MC4R: variants seen among roughly 807,000 people sequenced by gnomAD.
MC4R encodes melanocortin receptor 4.
Under a neutral mutation model 16.1 loss-of-function variants are expected in MC4R, and 15 were observed. The ratio of observed to expected loss-of-function variants is 0.93; its 90% CI spans 0.62 to 1.44. MC4R has a LOEUF of 1.44. Among genes scored for constraint, MC4R ranks in the 40% most tolerant of loss-of-function variants. The pLI is 0.00. For missense variants in MC4R, 416 were observed against 411.4 expected (o/e 1.01, Z -0.10); for synonymous variants, 162 against 151.7 (o/e 1.07, Z -0.50).
chr18:60,371,637 C>A lies in MC4R; in HGVS notation c.713G>T (p.Gly238Val), dbSNP rs751428978. ...GGTAATCGCTCCCTTCATATTGGCACCTTGGCGGATGGCACCAGTGCCGGG... is the reference window on the plus strand; with the variant it reads ...GGTAATCGCTCCCTTCATATTGGCAACTTGGCGGATGGCACCAGTGCCGGG... ...VLPGTGAIRQGANMKGAITLT... is the reference protein window; with the variant it reads ...VLPGTGAIRQVANMKGAITLT... Residue 238 changes from glycine to valine, a missense_variant, in exon 1 of 1, where the codon GGT becomes GTT. Gly to Val is a moderately radical substitution (Grantham distance 109). Coordinates refer to ENST00000299766, the MANE Select transcript of MC4R (RefSeq NM_005912.3). The A allele has an allele frequency of 6.2e-7, 1 of 1,614,154 alleles. No homozygotes were observed. Among genetic ancestry groups the A allele is most frequent in the African/African-American group, 1.3e-5 (1 of 75,032 alleles).
In MC4R at chr18:60,372,112, A is replaced by T. The variant is rs771382165; in HGVS notation, c.238T>A (p.Tyr80Asn). The T allele has an allele frequency of 6.2e-7, 1 of 1,614,272 alleles. No homozygotes were observed. Among genetic ancestry groups the T allele is most frequent in the Admixed American group, 1.7e-5 (1 of 60,032 alleles). ...AKNKNLHSPM[Y>N]FFICSLAVAD... ...ACAGCCAAGCTGCAGATGAAAAAGT[A>T]CATGGGTGAATGCAGATTCTTGTTC... The change falls in exon 1 of 1, where the codon TAC becomes AAC. Residue 80 changes from tyrosine (Y) to asparagine (N), a missense_variant. Physicochemically the swap from Tyr to Asn is moderately radical, Grantham distance 143 (BLOSUM62 -2). Coordinates refer to ENST00000299766, the MANE Select transcript of MC4R (RefSeq NM_005912.3).
Position 60,371,974 on chromosome 18 carries a change from C to A in MC4R, c.376G>T (p.Asp126Tyr), listed in dbSNP as rs768806551. ...AGCAAGGAGCTACAGATCACCGAGT[C>A]AATGACATTATCAATATTCACTGTG... ...SFTVNIDNVI[D>Y]SVICSSLLAS... The change falls in exon 1 of 1, where the codon GAC (aspartate) becomes TAC (tyrosine). Residue 126 changes from aspartate (D) to tyrosine (Y), a missense_variant. Asp to Tyr is a radical substitution (Grantham distance 160, BLOSUM62 -3). Transcript: ENST00000299766. 1 of 1,614,110 alleles carries A rather than the reference C, an allele frequency of 6.2e-7. No homozygotes were observed. The highest frequency in any genetic ancestry group is 1.7e-5 in the Admixed American group (1 of 60,020).
Position 60,371,281 on chromosome 18 carries a change from C to G in MC4R, c.*70G>C. On this transcript the variant is annotated 3_prime_UTR_variant, in exon 1 of 1. Transcript: ENST00000299766. ...GGAAGAGAAAGCTGTTGCAGAAGTACAATATTCAGGTAGGGTAAGAGTGAA... is the reference window on the plus strand; with the variant it reads ...GGAAGAGAAAGCTGTTGCAGAAGTAGAATATTCAGGTAGGGTAAGAGTGAA... 6.8e-7 allele frequency: 1 copy of G among 1,474,766 alleles called. No individual in the cohort carries two copies. Among genetic ancestry groups the G allele is most frequent in the African/African-American group, 1.4e-5 (1 of 72,206 alleles). 91.4% of individuals were successfully genotyped at this position (1,474,766 alleles called of 1,614,324 possible). A position where few individuals can be genotyped will look rare whatever the true frequency, so the allele number is the denominator to read the frequency against.
rs1420993856 is a variant in MC4R at position 60,372,096 on chromosome 18, C to A, written c.254G>T (p.Ser85Ile). ...CACCAGCATATCAGCCACAGCCAAGCTGCAGATGAAAAAGTACATGGGTGA... is the reference window on the plus strand; with the variant it reads ...CACCAGCATATCAGCCACAGCCAAGATGCAGATGAAAAAGTACATGGGTGA... ...LHSPMYFFIC[S>I]LAVADMLVSV... The change falls in exon 1 of 1, where the codon AGC (serine) becomes ATC (isoleucine). Residue 85 changes from serine (S) to isoleucine (I), a missense_variant. Transcript: ENST00000299766. 6.2e-7 allele frequency: 1 copy of A among 1,614,086 alleles called. No homozygotes were observed. The highest frequency in any genetic ancestry group is 1.3e-5 in the African/African-American group (1 of 74,930).
In MC4R at chr18:60,371,909, C is replaced by T. The variant is rs754227294; in HGVS notation, c.441G>A (p.Arg147=). Residue 147 remains arginine, a synonymous_variant, in exon 1 of 1, where the codon AGG becomes AGA. Transcript: ENST00000299766. ...ICSLLSIAVD[R]YFTIFYALQY... ...GGAGAGCATAGAAGATAGTAAAGTACCTGTCCACTGCAATTGAAAGCAGGC... is the reference window on the plus strand; with the variant it reads ...GGAGAGCATAGAAGATAGTAAAGTATCTGTCCACTGCAATTGAAAGCAGGC... 1 of 1,614,116 alleles carries T rather than the reference C, an allele frequency of 6.2e-7. No homozygotes were observed. The highest frequency in any genetic ancestry group is 2.2e-5 in the East Asian group (1 of 44,868).
rs753839981 is a variant in MC4R at position 60,371,396 on chromosome 18, A to G, written c.954T>C (p.Cys318=). 5 of 1,614,226 alleles carry G rather than the reference A, an allele frequency of 3.1e-6. No homozygotes were observed. In the South Asian group the frequency reaches 5.5e-5, roughly 18 times the overall value. ...ELRKTFKEII[C]CYPLGGLCDL... Reference sequence around the variant, plus strand: ...CACAAAGGCCTCCCAGGGGATAGCAACAGATGATCTCTTTGAAGGTTTTCC... The same window carrying G: ...CACAAAGGCCTCCCAGGGGATAGCAGCAGATGATCTCTTTGAAGGTTTTCC... The change falls in exon 1 of 1, where the codon TGT becomes TGC. Residue 318 remains cysteine (C), a synonymous_variant. Transcript: ENST00000299766.
In MC4R at chr18:60,371,369, G is replaced by C; in HGVS notation, c.981C>G (p.Asp327Glu). 1 of 1,614,174 alleles carries C rather than the reference G, an allele frequency of 6.2e-7. No individual in the cohort carries two copies. Among genetic ancestry groups the C allele is most frequent in the Non-Finnish European group, 8.5e-7 (1 of 1,180,018 alleles). Residue 327 changes from aspartate (D) to glutamate (E), a missense_variant, in exon 1 of 1, where the codon GAC becomes GAG. Coordinates refer to ENST00000299766, the MANE Select transcript of MC4R (RefSeq NM_005912.3). ...TCCCCATTTAATATCTGCTAGACAA[G>C]TCACAAAGGCCTCCCAGGGGATAGC... ...ICCYPLGGLC[D>E]LSSRY is the part of the protein sequence containing the mutation.
rs765147772 is a variant in MC4R at position 60,371,470 on chromosome 18, T to G, written c.880A>C (p.Asn294His). The change falls in exon 1 of 1, where the codon AAT (asparagine) becomes CAT (histidine). Residue 294 changes from asparagine to histidine, a missense_variant. Asn to His is a moderately conservative substitution (Grantham distance 68). Transcript: ENST00000299766. The stretch of plus-strand genomic sequence containing the variant: ...TAAATCAGAGGATCGATGATTGAAT[T>G]ACACATGATCAGTATGAGATACAAG... ...FNLYLILIMC[N>H]SIIDPLIYAL... 6.2e-7 allele frequency: 1 copy of G among 1,614,072 alleles called. No individual in the cohort carries two copies. The highest frequency in any genetic ancestry group is 8.5e-7 in the Non-Finnish European group (1 of 1,180,020).
Position 60,372,059 on chromosome 18 carries a change from A to T in MC4R, c.291T>A (p.Asn97Lys). Reference sequence around the variant, plus strand: ...GGGTGATGACAATGGTTTCTGATCCATTTGAAACGCTCACCAGCATATCAG... The same window carrying T: ...GGGTGATGACAATGGTTTCTGATCCTTTTGAAACGCTCACCAGCATATCAG... ...AVADMLVSVS[N>K]GSETIVITLL... The change falls in exon 1 of 1, where the codon AAT (asparagine) becomes AAA (lysine). Residue 97 changes from asparagine (N) to lysine (K), a missense_variant. By Grantham distance (94) the Asn-to-Lys change is moderately conservative. Transcript: ENST00000299766. 1 of 1,614,248 alleles carries T rather than the reference A, an allele frequency of 6.2e-7. No individual in the cohort carries two copies. Among genetic ancestry groups the T allele is most frequent in the Non-Finnish European group, 8.5e-7 (1 of 1,180,046 alleles).
rs928987900 is a variant in MC4R at position 60,371,069 on chromosome 18, T to C, written c.*282A>G. The C allele has an allele frequency of 2.7e-5, 11 of 409,870 alleles. No individual in the cohort carries two copies. The highest frequency in any genetic ancestry group is 4.6e-5 in the Non-Finnish European group (10 of 219,352). 25.4% of individuals were successfully genotyped at this position (409,870 alleles called of 1,614,324 possible). A position where few individuals can be genotyped will look rare whatever the true frequency, so the allele number is the denominator to read the frequency against. Reference sequence around the variant, plus strand: ...TATGAATAACACGAAGGAGACATTGTTAAGCTTTTAATAAGGACTTTTCTT... The same window carrying C: ...TATGAATAACACGAAGGAGACATTGCTAAGCTTTTAATAAGGACTTTTCTT... On this transcript the variant is annotated 3_prime_UTR_variant, in exon 1 of 1. Coordinates refer to ENST00000299766, the MANE Select transcript of MC4R (RefSeq NM_005912.3).
chr18:60,372,435 A>G lies in MC4R; in HGVS notation c.-86T>C. On this transcript the variant is annotated 5_prime_UTR_variant, in exon 1 of 1. An upstream open reading frame in the 5' UTR loses its in-frame stop. Transcript: ENST00000299766. ...TCTCAGTTATTTCCTCCAAGTCTTT[A>G]TCTGTCTGAAAGTTGTGAGGCTAAA... The G allele has an allele frequency of 6.8e-7, 1 of 1,470,980 alleles. No individual in the cohort carries two copies. The highest frequency in any genetic ancestry group is 1.4e-5 in the African/African-American group (1 of 71,882). The allele number at this position is 1,470,980 out of a possible 1,614,324, so 91.1% of individuals were successfully genotyped here.
rs749957300 is a variant in MC4R at position 60,371,379 on chromosome 18, C to T, written c.971G>A (p.Gly324Asp). Residue 324 changes from glycine to aspartate, a missense_variant, in exon 1 of 1, where the codon GGC becomes GAC. Gly to Asp is a moderately conservative substitution (Grantham distance 94). Transcript: ENST00000299766. ...ATATCTGCTAGACAAGTCACAAAGGCCTCCCAGGGGATAGCAACAGATGAT... is the reference window on the plus strand; with the variant it reads ...ATATCTGCTAGACAAGTCACAAAGGTCTCCCAGGGGATAGCAACAGATGAT... ...KEIICCYPLG[G>D]LCDLSSRY is the part of the protein sequence containing the mutation. 2 of 1,614,124 alleles carry T rather than the reference C, an allele frequency of 1.2e-6. No individual in the cohort carries two copies. Among genetic ancestry groups the T allele is most frequent in the Admixed American group, 1.7e-5 (1 of 60,020 alleles).
chr18:60,372,163 T>G lies in MC4R; in HGVS notation c.187A>C (p.Ile63Leu). 1 of 1,614,252 alleles carries G rather than the reference T, an allele frequency of 6.2e-7. No individual in the cohort carries two copies. The highest frequency in any genetic ancestry group is 1.3e-5 in the African/African-American group (1 of 75,066). ...TTGGCTATTGCCACAATCACTAAGA[T>G]ATTCTCCAACAAGCTGATGACACCC... ...TLGVISLLEN[I>L]LVIVAIAKNK... The change falls in exon 1 of 1, where the codon ATC becomes CTC. Residue 63 changes from isoleucine to leucine, a missense_variant. Physicochemically the swap from Ile to Leu is conservative, Grantham distance 5. Transcript: ENST00000299766.
chr18:60,372,318 G>A lies in MC4R; in HGVS notation c.32C>T (p.Thr11Ile), dbSNP rs761529157. 10 of 1,614,084 alleles carry A rather than the reference G, an allele frequency of 6.2e-6. No homozygotes were observed. Among genetic ancestry groups the A allele is most frequent in the Non-Finnish European group, 8.5e-6 (10 of 1,180,046 alleles). Residue 11 changes from threonine to isoleucine, a missense_variant, in exon 1 of 1, where the codon ACT (threonine) becomes ATT (isoleucine). Physicochemically the swap from Thr to Ile is moderately conservative, Grantham distance 89 (BLOSUM62 -1). Transcript: ENST00000299766. ...GCTGCGGTTCCAGAGGTGCAGAGAA[G>A]TGTGCATCCCACGGTGGGTGGAGTT... MVNSTHRGMH[T>I]SLHLWNRSSY...
In MC4R at chr18:60,372,148, C is replaced by A. The variant is rs1360504571; in HGVS notation, c.202G>T (p.Ala68Ser). 6.2e-7 allele frequency: 1 copy of A among 1,614,094 alleles called. No individual in the cohort carries two copies. Among genetic ancestry groups the A allele is most frequent in the Non-Finnish European group, 8.5e-7 (1 of 1,180,040 alleles). Residue 68 changes from alanine (A) to serine (S), a missense_variant, in exon 1 of 1, where the codon GCA (alanine) becomes TCA (serine). Transcript: ENST00000299766. ...TGCAGATTCTTGTTCTTGGCTATTGCCACAATCACTAAGATATTCTCCAAC... is the reference window on the plus strand; with the variant it reads ...TGCAGATTCTTGTTCTTGGCTATTGACACAATCACTAAGATATTCTCCAAC... ...SLLENILVIV[A>S]IAKNKNLHSP...
rs187152753 is a variant in MC4R, at chr18:60,371,593, C to T, written c.757G>A (p.Val253Ile). 1.1e-4 allele frequency: 180 copies of T among 1,614,202 alleles called. No individual in the cohort carries two copies. The highest frequency in any genetic ancestry group is 3.5e-4 in the Admixed American group (21 of 60,024). ...AATGGGGCCCAGCAGACAACAAAGACGCCAATCAGGATGGTCAAGGTAATC... is the reference window on the plus strand; with the variant it reads ...AATGGGGCCCAGCAGACAACAAAGATGCCAATCAGGATGGTCAAGGTAATC... ...GAITLTILIG[V>I]FVVCWAPFFL... The change falls in exon 1 of 1, where the codon GTC becomes ATC. Residue 253 changes from valine (V) to isoleucine (I), a missense_variant. By Grantham distance (29) the Val-to-Ile change is conservative. Transcript: ENST00000299766.
Position 60,372,148 on chromosome 18 carries a change from C to T in MC4R, c.202G>A (p.Ala68Thr). ...TGCAGATTCTTGTTCTTGGCTATTG[C>T]CACAATCACTAAGATATTCTCCAAC... ...SLLENILVIV[A>T]IAKNKNLHSP... Residue 68 changes from alanine to threonine, a missense_variant, in exon 1 of 1, where the codon GCA becomes ACA. By Grantham distance (58) the Ala-to-Thr change is moderately conservative (BLOSUM62 0). Coordinates refer to ENST00000299766, the MANE Select transcript of MC4R (RefSeq NM_005912.3). 6.2e-7 allele frequency: 1 copy of T among 1,614,212 alleles called. No individual in the cohort carries two copies. The highest frequency in any genetic ancestry group is 8.5e-7 in the Non-Finnish European group (1 of 1,180,032).
Position 60,371,622 on chromosome 18 carries a change from C to T in MC4R, c.728G>A (p.Gly243Glu). 1 of 1,614,188 alleles carries T rather than the reference C, an allele frequency of 6.2e-7. No individual in the cohort carries two copies. The highest frequency in any genetic ancestry group is 8.5e-7 in the Non-Finnish European group (1 of 1,180,036). Residue 243 changes from glycine to glutamate, a missense_variant, in exon 1 of 1, where the codon GGA becomes GAA. Gly to Glu is a moderately conservative substitution (Grantham distance 98). Transcript: ENST00000299766. ...AATCAGGATGGTCAAGGTAATCGCT[C>T]CCTTCATATTGGCACCTTGGCGGAT... is the stretch of plus-strand genomic sequence containing the variant. ...GAIRQGANMK[G>E]AITLTILIGV...
rs749222637 is a variant in MC4R at position 60,371,611 on chromosome 18, A to G, written c.739T>C (p.Leu247=). The change falls in exon 1 of 1, where the codon TTG becomes CTG. Residue 247 remains leucine, a synonymous_variant. Coordinates refer to ENST00000299766, the MANE Select transcript of MC4R (RefSeq NM_005912.3). ...ACAAAGACGCCAATCAGGATGGTCA[A>G]GGTAATCGCTCCCTTCATATTGGCA... ...QGANMKGAIT[L]TILIGVFVVC... The G allele has an allele frequency of 6.2e-7, 1 of 1,614,124 alleles. No individual in the cohort carries two copies. The highest frequency in any genetic ancestry group is 8.5e-7 in the Non-Finnish European group (1 of 1,180,044).
Sources: allele counts gnomAD v4.1 joint callset, GRCh38; gene constraint gnomAD v4.1.1; transcripts MANE v1.5; gene names NCBI Gene and HGNC (gene_info 2026-07-23, HGNC 2026-07-21).